Variants in NHS observed in about 807,000 individuals in gnomAD.
NHS encodes actin remodeling regulator NHS.
In NHS, 5 loss-of-function variants were observed where a neutral mutation model predicts 72.5. The observed-to-expected ratio is 0.07, with a 90% CI of 0.04 to 0.14. The LOEUF is 0.14. Ranked by LOEUF, NHS falls within the 10% of genes least tolerant of loss-of-function variation. NHS has a pLI of 1.00. For synonymous variants in NHS, 464 were observed against 547.7 expected (o/e 0.85, Z 2.13); for missense variants, 1,072 against 1,355.7 (o/e 0.79, Z 3.29).
chrX:17,445,456 TC>T (rs1365847256), intron 1 of NHS, among the ~76,000 whole-genome samples: 1 of 111,085 alleles, frequency 9.0e-6, no homozygotes, highest in Non-Finnish European at 1.9e-5. Context: ...TCTGGCTTTT[TC>T]CATTCAGTGT....
At chrX:17,593,764 T>A (rs928671990) in intron 1 of NHS, among the ~76,000 whole-genome samples, 8 of 111,719 alleles carry the variant, frequency 7.2e-5, no homozygotes, top group African/African-American at 2.6e-4. Context: ...TGTCTATGTC[T>A]GTTTTACTTC....
chrX:17,437,396 A>T (rs1435377985), intron 1 of NHS, among the ~76,000 whole-genome samples: 1 of 111,715 alleles, frequency 9.0e-6, no homozygotes, highest in East Asian at 2.8e-4. Context: ...CTCAACTTTG[A>T]CACATTGAGG....
chrX:17,424,477 G>T (rs1004311228), intron 1 of NHS, among the ~76,000 whole-genome samples: 1 of 111,821 alleles, frequency 8.9e-6, no homozygotes, highest in Non-Finnish European at 1.9e-5. Flanking sequence ...TATGCATTTG[G>T]GTGGAGTTCA....
intron 1 of NHS, among the ~76,000 whole-genome samples, chrX:17,641,437 C>T (rs1288724713): frequency 8.9e-6 from 1 of 112,135 alleles, no homozygotes; most frequent in African/African-American, 3.2e-5. Flanking sequence ...TGTTCCACAA[C>T]ATTCTTGTGG....
At chrX:17,456,032 G>T (rs2064824167) in intron 1 of NHS, among the ~76,000 whole-genome samples, 1 of 111,960 alleles carries the variant, frequency 8.9e-6, no homozygotes, top group Admixed American at 9.4e-5. Flanking sequence ...CAAAGGGGCT[G>T]TGAGGTGCAT....
intron 1 of NHS, among the ~76,000 whole-genome samples, chrX:17,449,957 A>C (rs1189008729): frequency 1.8e-5 from 2 of 111,955 alleles, no homozygotes; most frequent in African/African-American, 6.5e-5. Flanking sequence ...CAAGTTCTGA[A>C]AGATTTACAA....
At chrX:17,386,569 G>GGAGAATCA (rs1334037699) in intron 1 of NHS, among the ~76,000 whole-genome samples, 1 of 107,793 alleles carries the variant, frequency 9.3e-6, no homozygotes, top group Non-Finnish European at 1.9e-5. Context: ...GGCTGAGACA[G>GGAGAATCA]GAGAATCACT....
chrX:17,679,028 T>A (rs1229664418), intron 1 of NHS, among the ~76,000 whole-genome samples: 1 of 111,369 alleles, frequency 9.0e-6, no homozygotes, highest in Admixed American at 9.5e-5. Flanking sequence ...AAGTTTGTAC[T>A]GCACCTGAGT....
intron 1 of NHS, chrX:17,635,549 C>T (rs1233303256): frequency 5.1e-6 from 6 of 1,166,050 alleles, no homozygotes; most frequent in Non-Finnish European, 5.7e-6. Flanking sequence ...CCTTAAGGAG[C>T]AGAGCGGGAA....
At chrX:17,450,964 C>A (rs988604126) in intron 1 of NHS, among the ~76,000 whole-genome samples, 2 of 111,735 alleles carry the variant, frequency 1.8e-5, no homozygotes, top group Non-Finnish European at 3.8e-5. Context: ...CCCATTCAGC[C>A]GCTAGCAAAA....
chrX:17,640,987 G>C (rs888262410), intron 1 of NHS, among the ~76,000 whole-genome samples: 1 of 112,440 alleles, frequency 8.9e-6, no homozygotes, highest in Admixed American at 9.4e-5. Context: ...ATAACCACTT[G>C]GGAGAATTAA....
intron 1 of NHS, among the ~76,000 whole-genome samples, chrX:17,467,651 G>A (rs140514133): frequency 0.01 from 1,169 of 111,651 alleles, 16 homozygotes; most frequent in African/African-American, 0.036. Context: ...AATTACCATT[G>A]CACTAATTAA....
At chrX:17,534,649 A>G (rs986457066) in intron 1 of NHS, among the ~76,000 whole-genome samples, 2 of 111,931 alleles carry the variant, frequency 1.8e-5, no homozygotes, top group Admixed American at 9.4e-5. Flanking sequence ...ATTTAATTGT[A>G]TGGACTCTTC....
intron 1 of NHS, among the ~76,000 whole-genome samples, chrX:17,382,169 G>A (rs959575256): frequency 8.1e-5 from 9 of 111,475 alleles, no homozygotes; most frequent in African/African-American, 2.9e-4. Flanking sequence ...TTGATATATA[G>A]GTAAATCATG....
At chrX:17,670,658 G>A (rs1051953700) in intron 1 of NHS, among the ~76,000 whole-genome samples, 3 of 112,478 alleles carry the variant, frequency 2.7e-5, no homozygotes, top group Admixed American at 9.4e-5. Context: ...AAAAATGCTT[G>A]TGTCTGGAGT....
At chrX:17,570,628 G>C (rs764165807) in intron 1 of NHS, among the ~76,000 whole-genome samples, 1 of 111,840 alleles carries the variant, frequency 8.9e-6, no homozygotes, top group Non-Finnish European at 1.9e-5. Context: ...GAGACAATCT[G>C]ACTTCCTCTC....
chrX:17,488,080 G>A (rs1459021853), intron 1 of NHS, among the ~76,000 whole-genome samples: 1 of 111,141 alleles, frequency 9.0e-6, no homozygotes, highest in African/African-American at 3.3e-5. Context: ...CTCCCACCTC[G>A]CCGCCTCGCT....
Position 17,375,853 on chromosome X carries a change from T to C in NHS, c.96T>C (p.Ala32=). ...GPAVDASGGS[A]EPPPPLQPPG... is the part of the protein sequence containing the mutation. ...CAGTGGACGCGAGCGGAGGCAGCGC[T>C]GAGCCGCCGCCGCCCTTGCAGCCGC... is the stretch of plus-strand genomic sequence containing the variant. Residue 32 remains alanine, a synonymous_variant, in exon 1 of 9, where the codon GCT becomes GCC. Transcript: ENST00000676302. 8.9e-7 allele frequency: 1 copy of C among 1,129,417 alleles called. No individual in the cohort carries two copies. Among genetic ancestry groups the C allele is most frequent in the Middle Eastern group, 3.4e-4 (1 of 2,973 alleles). 93.1% of individuals were successfully genotyped at this position (1,129,417 alleles called of 1,213,427 possible). A position where few individuals can be genotyped will look rare whatever the true frequency, so the allele number is the denominator to read the frequency against.
chrX:17,556,068 C>T (rs752626268), intron 1 of NHS, among the ~76,000 whole-genome samples: 6 of 112,352 alleles, frequency 5.3e-5, no homozygotes, highest in Non-Finnish European at 1.1e-4. Context: ...AACTGGCCTT[C>T]AATCCCAGAC....
Sources: gnomAD v4.1 joint callset for allele counts (sites outside exome capture counted in the v4.1 genomes callset) on GRCh38, gnomAD v4.1.1 for gene constraint, MANE v1.5 for transcripts, NCBI Gene and HGNC (gene_info 2026-07-23, HGNC 2026-07-21) for gene names.